The following PCDHGA11 variants were observed in gnomAD, a reference collection of about 807,000 sequenced individuals.
PCDHGA11 encodes protocadherin gamma-A11.
A neutral mutation model predicts 60.4 loss-of-function variants in PCDHGA11; 39 were observed. The observed-to-expected ratio is 0.65, with a 90% CI of 0.50 to 0.84. The LOEUF is 0.84. PCDHGA11 is among the 40% of genes least tolerant of loss of function. The pLI is 0.00. For synonymous variants in PCDHGA11, 533 were observed against 510.3 expected (o/e 1.04, Z -0.60); for missense variants, 1,165 against 1,197.7 (o/e 0.97, Z 0.40).
In PCDHGA11 at chr5:141,435,388, G is replaced by T. The variant is rs186494703; in HGVS notation, c.2433+11728G>T. Among the ~76,000 whole-genome samples, 241 of 152,094 alleles carry T rather than the reference G, an allele frequency of 1.6e-3. 5 individuals carry two copies. Among genetic ancestry groups the T allele is most frequent in the Non-Finnish European group, 2.1e-4 (14 of 67,992 alleles). The stretch of plus-strand genomic sequence containing the variant: ...ACTTAAATATACAATATACCGTATT[G>T]CCATGACGAAAAATGGTAAAGACTA... On this transcript the variant is annotated intron_variant, in intron 1 of 3. Transcript: ENST00000398587.
Position 141,485,486 on chromosome 5 carries a change from C to T in PCDHGA11, c.2434-9321C>T, listed in dbSNP as rs2099614522. 6 of 1,614,102 alleles carry T rather than the reference C, an allele frequency of 3.7e-6. No individual in the cohort carries two copies. The highest frequency in any genetic ancestry group is 2.2e-5 in the East Asian group (1 of 44,866). The stretch of plus-strand genomic sequence containing the variant: ...TGGGCTCAGTGCCAGCTGCATCGTG[C>T]CCCTGGAGTTTGTCACCGAAGGTCC... On this transcript the variant is annotated intron_variant, in intron 1 of 3. Coordinates refer to ENST00000398587, the MANE Select transcript of PCDHGA11 (RefSeq NM_018914.3). This position sits in a 1 kb window ranked among gnomAD's most constrained non-coding sequence, Gnocchi z 5.7.
chr5:141,470,452 G>A (rs981528762), intron 1 of PCDHGA11, among the ~76,000 whole-genome samples: 1 of 152,130 alleles, frequency 6.6e-6, no homozygotes, highest in Admixed American at 6.5e-5. Flanking sequence ...ATAGCATCTT[G>A]AATAGGATTT....
chr5:141,489,994 C>A lies in PCDHGA11; in HGVS notation c.2434-4813C>A, dbSNP rs1307285048. The A allele has an allele frequency of 1.2e-5, 19 of 1,614,192 alleles. No individual in the cohort carries two copies. The highest frequency in any genetic ancestry group is 1.6e-4 in the Middle Eastern group (1 of 6,062). On this transcript the variant is annotated intron_variant, in intron 1 of 3. Transcript: ENST00000398587. This position sits in a 1 kb window ranked among gnomAD's most constrained non-coding sequence, Gnocchi z 4.5. Reference sequence around the variant, plus strand: ...ATCCTCAGTTCTACGTGTGGGAATCCCAGAGAATGCACCCATTGGTACTCT... The same window carrying A: ...ATCCTCAGTTCTACGTGTGGGAATCACAGAGAATGCACCCATTGGTACTCT...
intron 1 of PCDHGA11, among the ~76,000 whole-genome samples, chr5:141,438,454 T>C (rs2097961593): frequency 6.6e-6 from 1 of 151,734 alleles, no homozygotes; most frequent in Admixed American, 6.6e-5. Flanking sequence ...AATACAATGC[T>C]TGAGTTCAAT....
At chr5:141,478,460 C>G (rs759992881) in intron 1 of PCDHGA11, 1 of 1,613,344 alleles carries the variant, frequency 6.2e-7, no homozygotes, top group East Asian at 2.2e-5. Flanking sequence ...AGCCAGTCCA[C>G]TGGCCAGCCG....
chr5:141,490,956 A>T lies in PCDHGA11; in HGVS notation c.2434-3851A>T. 1.2e-6 allele frequency: 2 copies of T among 1,613,828 alleles called. No homozygotes were observed. The highest frequency in any genetic ancestry group is 1.7e-6 in the Non-Finnish European group (2 of 1,179,852). ...TGCTGCACCCACGGCCAGACTGGGA[A>T]CACTCAGCCCCCCAGCGTCTCCCTC... On this transcript the variant is annotated intron_variant, in intron 1 of 3. Transcript: ENST00000398587. The surrounding 1 kb of genome is among the most constrained non-coding windows in gnomAD (Gnocchi z 5.4).
At chr5:141,430,567 A>G in intron 1 of PCDHGA11, 1 of 434,308 alleles carries the variant, frequency 2.3e-6, no homozygotes, top group Non-Finnish European at 3.9e-6. Context: ...GGGGAGAGAA[A>G]AGCGGAGATC....
intron 1 of PCDHGA11, among the ~76,000 whole-genome samples, chr5:141,439,431 G>A (rs2154558488): frequency 6.6e-6 from 1 of 152,298 alleles, no homozygotes; most frequent in Non-Finnish European, 1.5e-5. Flanking sequence ...AAATTCCCAG[G>A]AATATTTTAT....
At chr5:141,504,634 AG>A (rs2099839600) in intron 2 of PCDHGA11, among the ~76,000 whole-genome samples, 1 of 115,756 alleles carries the variant, frequency 8.6e-6, no homozygotes, top group Non-Finnish European at 1.7e-5. Context: ...ACCTTGGAAA[AG>A]GTTTGATGAT....
intron 1 of PCDHGA11, among the ~76,000 whole-genome samples, chr5:141,434,245 T>G (rs921135977): frequency 3.3e-5 from 5 of 152,224 alleles, no homozygotes; most frequent in African/African-American, 1.2e-4. Context: ...CTAGATGACT[T>G]GGGCATTGTG....
Position 141,476,019 on chromosome 5 carries a change from C to T in PCDHGA11, c.2434-18788C>T, listed in dbSNP as rs964061075. The T allele has an allele frequency of 3.9e-5, 54 of 1,390,282 alleles. 1 individual carries two copies. Among genetic ancestry groups the T allele is most frequent in the Non-Finnish European group, 4.9e-5 (51 of 1,034,212 alleles). 86.1% of individuals were successfully genotyped at this position (1,390,282 alleles called of 1,614,324 possible). A position where few individuals can be genotyped will look rare whatever the true frequency, so the allele number is the denominator to read the frequency against. Reference sequence around the variant, plus strand: ...ACGGCATCCAGAAAGCCATGTCGGACTCGGCGCCCAGCGCCCAAGCGCTAA... The same window carrying T: ...ACGGCATCCAGAAAGCCATGTCGGATTCGGCGCCCAGCGCCCAAGCGCTAA... On this transcript the variant is annotated intron_variant, in intron 1 of 3. Transcript: ENST00000398587. This position sits in a 1 kb window ranked among gnomAD's most constrained non-coding sequence, Gnocchi z 7.6.
chr5:141,427,652 G>T, intron 1 of PCDHGA11: 1 of 721,166 alleles, frequency 1.4e-6, no homozygotes, highest in Non-Finnish European at 2.5e-6. Flanking sequence ...TCTCCTACGT[G>T]GTCCACGTGG....
chr5:141,448,966 A>G (rs981772425), intron 1 of PCDHGA11, among the ~76,000 whole-genome samples: 5 of 152,118 alleles, frequency 3.3e-5, no homozygotes, highest in Non-Finnish European at 7.4e-5. Context: ...CAAACAAACA[A>G]AAAAGAACTT....
Position 141,421,745 on chromosome 5 carries a change from T to C in PCDHGA11, c.518T>C (p.Leu173Pro). The C allele has an allele frequency of 6.2e-7, 1 of 1,613,950 alleles. No individual in the cohort carries two copies. Among genetic ancestry groups the C allele is most frequent in the Non-Finnish European group, 8.5e-7 (1 of 1,179,882 alleles). Residue 173 changes from leucine to proline, a missense_variant, in exon 1 of 4, where the codon CTC becomes CCC. By Grantham distance (98) the Leu-to-Pro change is moderately conservative (BLOSUM62 -3). Transcript: ENST00000398587. ...GTGAACTCCCTCCAGAGCTACCAGC[T>C]CAGCCCTAATAATTACTTTTCCTTG... Reference protein sequence around the residue: ...VGVNSLQSYQLSPNNYFSLQL... With the variant: ...VGVNSLQSYQPSPNNYFSLQL...
rs941528168 is a variant in PCDHGA11, at chr5:141,476,433, T to C, written c.2434-18374T>C. 2 of 1,614,094 alleles carry C rather than the reference T, an allele frequency of 1.2e-6. No individual in the cohort carries two copies. The highest frequency in any genetic ancestry group is 2.2e-5 in the East Asian group (1 of 44,856). ...TGTGGGACACTGCCCTCTTGCACTGTAACTCTGGAGTTGGTAGTGGAGAAC... is the reference window on the plus strand; with the variant it reads ...TGTGGGACACTGCCCTCTTGCACTGCAACTCTGGAGTTGGTAGTGGAGAAC... On this transcript the variant is annotated intron_variant, in intron 1 of 3. Coordinates refer to ENST00000398587, the MANE Select transcript of PCDHGA11 (RefSeq NM_018914.3). This position sits in a 1 kb window ranked among gnomAD's most constrained non-coding sequence, Gnocchi z 7.6.
rs1416883218 is a variant in PCDHGA11, at chr5:141,428,027, G to A, written c.2433+4367G>A. On this transcript the variant is annotated intron_variant, in intron 1 of 3. Coordinates refer to ENST00000398587, the MANE Select transcript of PCDHGA11 (RefSeq NM_018914.3). ...TCGATATAGTGCCACGCGCCGCAGAGTCCGGCTACCTGGTGACCAAGGTGG... is the reference window on the plus strand; with the variant it reads ...TCGATATAGTGCCACGCGCCGCAGAATCCGGCTACCTGGTGACCAAGGTGG... 1.9e-6 allele frequency: 3 copies of A among 1,606,742 alleles called. No homozygotes were observed. The Admixed American group carries it at 5.0e-5, about 27-fold the overall frequency.
rs534187376 is a variant in PCDHGA11 at position 141,512,974 on chromosome 5, A to G, written c.*1801A>G. ...AAAATAATAAAACGTTTCTTCTGAA[A>G]AGCTGAACGTTTCTGTATAAGCGAT... is the stretch of plus-strand genomic sequence containing the variant. On this transcript the variant is annotated 3_prime_UTR_variant, in exon 4 of 4. Transcript: ENST00000398587. The G allele has an allele frequency of 6.6e-6, 1 of 152,362 alleles. No individual in the cohort carries two copies. Among genetic ancestry groups the G allele is most frequent in the South Asian group, 2.1e-4 (1 of 4,826 alleles). The allele number at this position is 152,362 out of a possible 1,614,324, so 9.4% of individuals were successfully genotyped here. A position where few individuals can be genotyped will look rare whatever the true frequency, so the allele number is the denominator to read the frequency against.
chr5:141,487,312 TAA>T lies in PCDHGA11; in HGVS notation c.2434-7494_2434-7493del, dbSNP rs1464336630. ...TTGGCTCATTCGTGGCACTACTCTC[TAA>T]GTGTCTTCGTGGGGCAGCCTGTGGA... On this transcript the variant is annotated intron_variant, in intron 1 of 3. Transcript: ENST00000398587. The surrounding 1 kb of genome is among the most constrained non-coding windows in gnomAD (Gnocchi z 5.0). 1 of 1,614,158 alleles carries T rather than the reference TAA, an allele frequency of 6.2e-7. No homozygotes were observed. Among genetic ancestry groups the T allele is most frequent in the African/African-American group, 1.3e-5 (1 of 75,056 alleles).
At chr5:141,456,788 C>A (rs2098888156) in intron 1 of PCDHGA11, among the ~76,000 whole-genome samples, 1 of 152,088 alleles carries the variant, frequency 6.6e-6, no homozygotes, top group Admixed American at 6.5e-5. Flanking sequence ...CATGGCAAAA[C>A]CCCATCTCTA....
Sources: gnomAD v4.1 joint callset for allele counts (sites outside exome capture counted in the v4.1 genomes callset) on GRCh38, gnomAD v4.1.1 for gene constraint, Gnocchi (gnomAD v3.1) non-coding constraint, MANE v1.5 for transcripts, NCBI Gene and HGNC (gene_info 2026-07-23, HGNC 2026-07-21) for gene names.